Variants in ZFYVE9 observed in about 807,000 individuals in gnomAD.
The protein encoded by ZFYVE9 is zinc finger FYVE domain-containing protein 9.
In ZFYVE9, 43 loss-of-function variants were observed where a neutral mutation model predicts 126.7. The ratio of observed to expected loss-of-function variants is 0.34; its 90% CI spans 0.27 to 0.44. ZFYVE9 has a LOEUF of 0.44. ZFYVE9 is among the 20% of genes least tolerant of loss of function. ZFYVE9 has a pLI of 1.00. For synonymous variants in ZFYVE9, 521 were observed against 597.4 expected (o/e 0.87, Z 1.87); for missense variants, 1,476 against 1,697.0 (o/e 0.87, Z 2.29).
intron 15 of ZFYVE9, among the ~76,000 whole-genome samples, chr1:52,336,987 C>G (rs997308718): frequency 3.4e-5 from 5 of 147,236 alleles, no homozygotes; most frequent in African/African-American, 1.3e-4. Context: ...TGACCTGACA[C>G]AGATCCTTAC....
rs1268900282 is a variant in ZFYVE9 at position 52,174,714 on chromosome 1, A to ATAGT, written c.-143+32315_-143+32318dup. Among the ~76,000 whole-genome samples, 25 of 152,210 alleles carry ATAGT rather than the reference A, an allele frequency of 1.6e-4. No homozygotes were observed. The South Asian group carries it at 5.0e-3, about 30-fold the overall frequency. On this transcript the variant is annotated intron_variant, in intron 1 of 18. Coordinates refer to ENST00000287727, the MANE Select transcript of ZFYVE9 (RefSeq NM_004799.4). ...TGTATTGGGTGCATATATATTTAGG[A>ATAGT]TAGTTAGCTCTTCTTGCTGAATTGA...
At chr1:52,239,703 T>A in intron 4 of ZFYVE9, 108 bp downstream of exon 4, 1 of 1,263,402 alleles carries the variant, frequency 7.9e-7, no homozygotes, top group Non-Finnish European at 1.1e-6. Flanking sequence ...TGAGTTGACC[T>A]AAATAGCATT....
rs1156525272 is a variant in ZFYVE9, at chr1:52,156,907, A to AC, written c.-143+14505dup. Among the ~76,000 whole-genome samples the AC allele has an allele frequency of 2.7e-5, 4 of 150,250 alleles. No individual in the cohort carries two copies. The East Asian group carries it at 7.9e-4, about 30-fold the overall frequency. ...GAGTGCAGTGGCATGATCTTGGCTC[A>AC]CTGCAAGCTCTGCCTCTCGGGTTCA... On this transcript the variant is annotated intron_variant, in intron 1 of 18. Coordinates refer to ENST00000287727, the MANE Select transcript of ZFYVE9 (RefSeq NM_004799.4).
intron 17 of ZFYVE9, among the ~76,000 whole-genome samples, chr1:52,340,919 A>C (rs12127117): frequency 0.81 from 96,725 of 120,114 alleles, 39,090 homozygotes; most frequent in Non-Finnish European, 0.9. Flanking sequence ...AAAAAAAAAA[A>C]AAAAAAAAAA....
At chr1:52,190,443 A>T (rs947402588) in intron 1 of ZFYVE9, 1 of 152,186 alleles carries the variant, frequency 6.6e-6, no homozygotes, top group Non-Finnish European at 1.5e-5. Context: ...TTGTGCATCA[A>T]AATTATGCAC....
intron 1 of ZFYVE9, among the ~76,000 whole-genome samples, chr1:52,145,127 G>A (rs79956031): frequency 0.053 from 8,016 of 152,224 alleles, 227 homozygotes; most frequent in South Asian, 0.075. Flanking sequence ...TCATCTTGCC[G>A]TTTAAGGACA....
intron 2 of ZFYVE9, among the ~76,000 whole-genome samples, chr1:52,217,124 T>C (rs1164653009): frequency 6.6e-6 from 1 of 152,252 alleles, no homozygotes; most frequent in Non-Finnish European, 1.5e-5. Flanking sequence ...TGCTTGCACC[T>C]ATTACAAATG....
chr1:52,181,286 G>T (rs1158968440), intron 1 of ZFYVE9, among the ~76,000 whole-genome samples: 7 of 152,226 alleles, frequency 4.6e-5, no homozygotes, highest in African/African-American at 1.7e-4. Flanking sequence ...GGTTTCGCTG[G>T]GTTGGCCGGG....
At chr1:52,160,553 G>A (rs767834685) in intron 1 of ZFYVE9, 1 of 764,854 alleles carries the variant, frequency 1.3e-6, no homozygotes, top group South Asian at 1.4e-5. Flanking sequence ...CGCCTCAAGT[G>A]CTGCTCTCAT....
chr1:52,305,246 G>C (rs1249700478), intron 13 of ZFYVE9, among the ~76,000 whole-genome samples: 1 of 152,150 alleles, frequency 6.6e-6, no homozygotes, highest in Non-Finnish European at 1.5e-5. Context: ...TTTGAGACCA[G>C]CCTGGCCAAC....
intron 4 of ZFYVE9, among the ~76,000 whole-genome samples, chr1:52,247,216 T>C (rs541448605): frequency 5.9e-5 from 9 of 152,296 alleles, no homozygotes; most frequent in African/African-American, 2.2e-4. Context: ...CCAAATGTTA[T>C]TAACAGATAA....
chr1:52,201,637 C>G (rs892700326), intron 1 of ZFYVE9, among the ~76,000 whole-genome samples: 1 of 151,918 alleles, frequency 6.6e-6, no homozygotes, highest in African/African-American at 2.4e-5. Flanking sequence ...CCTCAGCCTC[C>G]CAAAGTGCTA....
At chr1:52,297,131 A>G (rs1645984413) in intron 12 of ZFYVE9, among the ~76,000 whole-genome samples, 1 of 151,916 alleles carries the variant, frequency 6.6e-6, no homozygotes, top group Non-Finnish European at 1.5e-5. Flanking sequence ...TTTACAAACT[A>G]CCTTGCCCTG....
intron 1 of ZFYVE9, chr1:52,180,418 A>G: frequency 1.4e-6 from 2 of 1,463,056 alleles, no homozygotes; most frequent in South Asian, 2.3e-5. Flanking sequence ...GATGAGTTGC[A>G]GTGAAAACTG....
chr1:52,341,342 C>T (rs1315982915), intron 17 of ZFYVE9, among the ~76,000 whole-genome samples: 1 of 152,198 alleles, frequency 6.6e-6, no homozygotes, highest in Non-Finnish European at 1.5e-5. Context: ...AAGCTCTTTC[C>T]CACTGTATTA....
In ZFYVE9 at chr1:52,152,868, A is replaced by C. The variant is rs191300614; in HGVS notation, c.-143+10465A>C. Among the ~76,000 whole-genome samples, 3 of 152,366 alleles carry C rather than the reference A, an allele frequency of 2.0e-5. No individual in the cohort carries two copies. In the East Asian group the frequency reaches 5.8e-4, roughly 29 times the overall value. On this transcript the variant is annotated intron_variant, in intron 1 of 18. Transcript: ENST00000287727. ...GGGAAGCAGACGTTGAAATGGATGT[A>C]GTAGCACAAGAGGTTTTATGGGATG...
chr1:52,267,288 A>G (rs1557490595), intron 6 of ZFYVE9, among the ~76,000 whole-genome samples: 1 of 152,218 alleles, frequency 6.6e-6, no homozygotes, highest in Non-Finnish European at 1.5e-5. Context: ...TAATCTGTCC[A>G]TATAAAAATA....
chr1:52,143,139 A>AC (rs1425630662), intron 1 of ZFYVE9, among the ~76,000 whole-genome samples: 9 of 152,046 alleles, frequency 5.9e-5, no homozygotes, highest in Non-Finnish European at 1.0e-4. Flanking sequence ...TGCCCCCCAC[A>AC]CCCCGCCAGA....
At chr1:52,322,769 C>T (rs1234679737) in intron 13 of ZFYVE9, among the ~76,000 whole-genome samples, 1 of 152,004 alleles carries the variant, frequency 6.6e-6, no homozygotes, top group East Asian at 1.9e-4. Context: ...AAGTCCTCTA[C>T]ACCATTTGTA....
Sources: gnomAD v4.1 joint callset for allele counts (sites outside exome capture counted in the v4.1 genomes callset) on GRCh38, gnomAD v4.1.1 for gene constraint, MANE v1.5 for transcripts, NCBI Gene and HGNC (gene_info 2026-07-23, HGNC 2026-07-21) for gene names.